The following NCOR2 variants were observed in gnomAD, a reference collection of about 807,000 sequenced individuals.
NCOR2 encodes the protein nuclear receptor corepressor 2, also known as CTG repeat protein 26.
Under a neutral mutation model 262.9 loss-of-function variants are expected in NCOR2, and 81 were observed. That is an observed-to-expected ratio of 0.31 (90% CI 0.26 to 0.37). The LOEUF (loss-of-function observed/expected upper bound fraction) is 0.37. Among genes scored for constraint, NCOR2 ranks in the 10% least tolerant of loss-of-function variants. The pLI is 1.00. For synonymous variants in NCOR2, 1,659 were observed against 1,559.3 expected (o/e 1.06, Z -1.51); for missense variants, 3,385 against 3,621.4 (o/e 0.93, Z 1.68).
exon 24 of NCOR2, chr12:124,355,439 A>C (rs780781004): frequency 2.5e-6 from 4 of 1,613,404 alleles, no homozygotes; most frequent in Non-Finnish European, 3.4e-6. Context: ...CACTTGGGAG[A>C]TGGCACCTAT....
chr12:124,521,553 G>C (rs1284535138), intron 1 of NCOR2, among the ~76,000 whole-genome samples: 1 of 152,262 alleles, frequency 6.6e-6, no homozygotes, highest in South Asian at 2.1e-4. Flanking sequence ...CCCAAAATAG[G>C]TAAGTCCACA....
exon 4 of NCOR2, chr12:124,473,045 C>A (rs541265671): frequency 5.6e-6 from 9 of 1,614,114 alleles, no homozygotes; most frequent in African/African-American, 4.0e-5. Flanking sequence ...CCTTGGACAG[C>A]CGTGGCGGCA....
chr12:124,519,480 G>A (rs2137076390), intron 1 of NCOR2, among the ~76,000 whole-genome samples: 1 of 152,306 alleles, frequency 6.6e-6, no homozygotes, highest in African/African-American at 2.4e-5. Context: ...CAGAAGCATG[G>A]CAGATGTGAA....
At chr12:124,528,791 G>C (rs2050617970) in intron 1 of NCOR2, among the ~76,000 whole-genome samples, 1 of 152,136 alleles carries the variant, frequency 6.6e-6, no homozygotes, top group African/African-American at 2.4e-5. Flanking sequence ...GAGGAGAAAG[G>C]GCACACAACT....
At chr12:124,403,880 G>A (rs961194491) in intron 13 of NCOR2, among the ~76,000 whole-genome samples, 1 of 152,214 alleles carries the variant, frequency 6.6e-6, no homozygotes, top group Non-Finnish European at 1.5e-5. Context: ...CCAGGGCAGA[G>A]CCTCGGGCCT....
In NCOR2 at chr12:124,503,623, G is replaced by GATGGATGGATGGGCGA. The variant is rs142628145; in HGVS notation, c.-117-8271_-117-8256dup. On this transcript the variant is annotated intron_variant, in intron 1 of 46. Transcript: ENST00000404621. The surrounding 1 kb of genome is among the most constrained non-coding windows in gnomAD (Gnocchi z 4.3). ...GGATGGACGGACGGACGGATGGATG[G>GATGGATGGATGGGCGA]ATGGATGGATGGGCGAATGGATGGA... 6.7e-6 allele frequency among the ~76,000 whole-genome samples: 1 copy of GATGGATGGATGGGCGA among 149,746 alleles called. No homozygotes were observed. Among genetic ancestry groups the GATGGATGGATGGGCGA allele is most frequent in the Non-Finnish European group, 1.5e-5 (1 of 67,794 alleles).
intron 19 of NCOR2, among the ~76,000 whole-genome samples, chr12:124,373,361 A>G (rs2039676490): frequency 3.0e-5 from 1 of 33,394 alleles, no homozygotes; most frequent in African/African-American, 5.8e-5. Flanking sequence ...CACAGTGGAC[A>G]ATCATGAGGC....
chr12:124,401,772 G>A (rs148310222), intron 14 of NCOR2, among the ~76,000 whole-genome samples: 31 of 152,348 alleles, frequency 2.0e-4, no homozygotes, highest in Middle Eastern at 6.8e-3. Flanking sequence ...TGCTGGAAGC[G>A]TCTGGGAGAC....
At chr12:124,371,151 G>A (rs1593253423) in intron 20 of NCOR2, among the ~76,000 whole-genome samples, 2 of 152,156 alleles carry the variant, frequency 1.3e-5, no homozygotes, top group East Asian at 3.9e-4. Context: ...ACTGCCCTGA[G>A]AACAAAATGC....
intron 44 of NCOR2, among the ~76,000 whole-genome samples, chr12:124,328,118 A>AGCTGGGGGCTG (rs1032758383): frequency 6.6e-6 from 1 of 151,924 alleles, no homozygotes; most frequent in African/African-American, 2.4e-5. Context: ...CTCAAGCCAG[A>AGCTGGGGGCTG]GCTGGGGGCT....
chr12:124,472,878 C>A, intron 4 of NCOR2, 74 bp downstream of exon 6: 1 of 1,592,152 alleles, frequency 6.3e-7, no homozygotes, highest in Non-Finnish European at 8.6e-7. Context: ...TGGCACATGT[C>A]TGTGACACCG....
chr12:124,405,612 C>T (rs574226941), intron 13 of NCOR2, among the ~76,000 whole-genome samples: 23 of 152,338 alleles, frequency 1.5e-4, no homozygotes, highest in African/African-American at 5.3e-4. Flanking sequence ...GGACAGACCC[C>T]GGCAGCCTTA....
At chr12:124,380,181 C>T (rs567611788) in intron 17 of NCOR2, among the ~76,000 whole-genome samples, 9 of 152,324 alleles carry the variant, frequency 5.9e-5, no homozygotes, top group East Asian at 3.9e-4. Flanking sequence ...AGGTGGGCCC[C>T]GCCCACCCCA....
chr12:124,557,538 CT>C (rs747449008), intron 1 of NCOR2, among the ~76,000 whole-genome samples: 41 of 152,338 alleles, frequency 2.7e-4, no homozygotes, highest in Non-Finnish European at 3.4e-4. Context: ...ATGACCTCTT[CT>C]TAATTAAACG....
chr12:124,551,424 C>T (rs953259977), intron 1 of NCOR2, among the ~76,000 whole-genome samples: 21 of 152,216 alleles, frequency 1.4e-4, no homozygotes, highest in African/African-American at 3.6e-4. Context: ...CACAGAGGCT[C>T]GTGGAAAAGC....
intron 5 of NCOR2, among the ~76,000 whole-genome samples, chr12:124,463,414 T>C (rs1006693828): frequency 5.9e-5 from 9 of 152,240 alleles, no homozygotes; most frequent in African/African-American, 2.2e-4. Context: ...CGTCTGCTCC[T>C]GCTCTCAGGC....
chr12:124,373,083 C>T (rs1048330560), intron 19 of NCOR2, among the ~76,000 whole-genome samples: 11 of 152,260 alleles, frequency 7.2e-5, no homozygotes, highest in African/African-American at 2.7e-4. Flanking sequence ...TAGTTCCCAT[C>T]TCACAGGGCG....
At chr12:124,472,904 G>T in intron 4 of NCOR2, 48 bp downstream of exon 6, 1 of 1,607,460 alleles carries the variant, frequency 6.2e-7, no homozygotes, top group Non-Finnish European at 8.5e-7. Context: ...ACTGCTGCTA[G>T]AATGGAGACT....
chr12:124,340,568 G>A (rs751003449), intron 35 of NCOR2, 34 bp downstream of exon 37: 49 of 1,513,960 alleles, frequency 3.2e-5, no homozygotes, highest in South Asian at 3.9e-5. Flanking sequence ...CATGGATGCC[G>A]GGGTCCCCAC....
Sources: allele counts gnomAD v4.1 joint callset (sites outside exome capture counted in the v4.1 genomes callset), GRCh38; gene constraint gnomAD v4.1.1; non-coding constraint Gnocchi (gnomAD v3.1); transcripts MANE v1.5; gene names NCBI Gene and HGNC (gene_info 2026-07-23, HGNC 2026-07-21).